C16orf46: variants seen among roughly 807,000 people sequenced by gnomAD.
The protein encoded by C16orf46 is uncharacterized protein C16orf46.
Under a neutral mutation model 5.5 loss-of-function variants are expected in C16orf46, and 7 were observed. That is an observed-to-expected ratio of 1.28 (90% confidence interval 0.73 to 2.40). The LOEUF is 2.40. C16orf46 is among the 30% of genes most tolerant of loss of function. The probability of loss-of-function intolerance (pLI) is 0.00; values close to 1 mark genes in which losing one functional copy is unlikely to be tolerated. For missense variants in C16orf46, 614 were observed against 476.0 expected (o/e 1.29, Z -2.70); for synonymous variants, 200 against 184.1 (o/e 1.09, Z -0.70).
Position 81,061,739 on chromosome 16 carries a change from T to C in C16orf46, c.610A>G (p.Thr204Ala). The C allele has an allele frequency of 6.2e-7, 1 of 1,613,986 alleles. No homozygotes were observed. Among genetic ancestry groups the C allele is most frequent in the Non-Finnish European group, 8.5e-7 (1 of 1,180,018 alleles). The change falls in exon 4 of 4, where the codon ACT becomes GCT. Residue 204 changes from threonine to alanine, a missense_variant. Transcript: ENST00000299578. The part of the protein sequence containing the change: ...HRGLSIPGPL[T>A]SRALLVLPPL... The stretch of plus-strand genomic sequence containing the variant: ...GGCAGAACTAGGAGGGCCCTGGAAG[T>C]CAGGGGGCCTGGGATGGACAGCCCT...
rs879028808 is a variant in C16orf46, at chr16:81,062,138, C to A, written c.211G>T (p.Val71Phe). The change falls in exon 4 of 4, where the codon GTC becomes TTC. Residue 71 changes from valine (V) to phenylalanine (F), a missense_variant and splice_region_variant. Val to Phe is a conservative substitution (Grantham distance 50). Transcript: ENST00000299578. ...FIIGTGWEEA[V>F]QGWGRTSPAA... ...GGAGAAGTCCTTCCCCACCCTTGGA[C>A]CTGCAAATAAAGCGGCATGTTACTC... 1 of 1,562,320 alleles carries A rather than the reference C, an allele frequency of 6.4e-7. No individual in the cohort carries two copies. Among genetic ancestry groups the A allele is most frequent in the South Asian group, 1.2e-5 (1 of 86,436 alleles).
exon 4 of C16orf46, chr16:81,054,009 C>A: frequency 6.5e-7 from 1 of 1,533,688 alleles, no homozygotes; most frequent in Non-Finnish European, 9.0e-7. Flanking sequence ...GAAATATTTG[C>A]TTTTATGATT....
chr16:81,061,821 G>A lies in C16orf46; in HGVS notation c.528C>T (p.Ala176=), dbSNP rs1971489503. 6.2e-7 allele frequency: 1 copy of A among 1,614,208 alleles called. No individual in the cohort carries two copies. The highest frequency in any genetic ancestry group is 8.5e-7 in the Non-Finnish European group (1 of 1,180,040). ...KEFIWCNKDW[A]IPGTNRGKAS... is the part of the protein sequence containing the mutation. ...CCTTGCCCCTATTAGTGCCGGGGAT[G>A]GCCCAGTCTTTGTTGCACCAAATAA... is the stretch of plus-strand genomic sequence containing the variant. The change falls in exon 4 of 4, where the codon GCC becomes GCT. Residue 176 remains alanine, a synonymous_variant. Coordinates refer to ENST00000299578, the MANE Select transcript of C16orf46 (RefSeq NM_152337.3).
At chr16:81,074,748 T>TC (rs1214431852) in intron 1 of C16orf46, among the ~76,000 whole-genome samples, 4 of 152,104 alleles carry the variant, frequency 2.6e-5, no homozygotes, top group Admixed American at 6.5e-5. Context: ...TTTTTTTTTT[T>TC]CACATGAATG....
chr16:81,055,737 T>A (rs911053514), intron 3 of C16orf46, among the ~76,000 whole-genome samples: 5 of 152,132 alleles, frequency 3.3e-5, no homozygotes, highest in African/African-American at 1.2e-4. Context: ...ATTATTGTTT[T>A]GAGACGGACT....
chr16:81,058,769 A>C (rs12919980), downstream of C16orf46, among the ~76,000 whole-genome samples: 3,740 of 152,288 alleles, frequency 0.025, 83 homozygotes, highest in East Asian at 0.057. Context: ...TCTTCACCAC[A>C]TCCTGTATCT....
rs1348509286 is a variant in C16orf46 at position 81,063,913 on chromosome 16, C to T, written c.43G>A (p.Glu15Lys). The T allele has an allele frequency of 1.2e-6, 2 of 1,613,532 alleles. No homozygotes were observed. Among genetic ancestry groups the T allele is most frequent in the Non-Finnish European group, 1.7e-6 (2 of 1,179,834 alleles). The change falls in exon 3 of 4, where the codon GAA becomes AAA. Residue 15 changes from glutamate to lysine, a missense_variant. Transcript: ENST00000299578. ...TCTGTGAACTGAATTTCATTATTTT[C>T]AGCATTTTCTAAGTCAGTCTCATTT... ...QKNETDLENA[E>K]NNEIQFTEET...
At chr16:81,062,823 T>G (rs1411784438) in intron 3 of C16orf46, among the ~76,000 whole-genome samples, 2 of 152,034 alleles carry the variant, frequency 1.3e-5, no homozygotes, top group Non-Finnish European at 2.9e-5. Flanking sequence ...TAGGTATTTA[T>G]CTGGTAATCC....
At chr16:81,072,832 G>C (rs1971902776) in intron 1 of C16orf46, among the ~76,000 whole-genome samples, 1 of 152,126 alleles carries the variant, frequency 6.6e-6, no homozygotes, top group African/African-American at 2.4e-5. Context: ...CTCCTGAGTA[G>C]CTGGGATTAC....
chr16:81,066,926 G>A (rs1041599872), intron 1 of C16orf46, among the ~76,000 whole-genome samples: 2 of 152,244 alleles, frequency 1.3e-5, no homozygotes, highest in African/African-American at 4.8e-5. Context: ...TGGATTTAGA[G>A]TATAAAGCGG....
At chr16:81,070,216 A>T (rs2151756287) in intron 1 of C16orf46, among the ~76,000 whole-genome samples, 1 of 152,284 alleles carries the variant, frequency 6.6e-6, no homozygotes. Context: ...GTTAAAGAAG[A>T]AGTTGTAAGA....
Position 81,061,438 on chromosome 16 carries a change from A to G in C16orf46, c.911T>C (p.Leu304Pro). ...PEQRCLHWSLLSEKNLACPPD... is the reference protein window; with the variant it reads ...PEQRCLHWSLPSEKNLACPPD... ...AGGGCACGCCAGGTTTTTCTCAGAC[A>G]GGAGGGACCAATGCAGGCAGCGCTG... Residue 304 changes from leucine to proline, a missense_variant, in exon 4 of 4, where the codon CTG (leucine) becomes CCG (proline). Leu to Pro is a moderately conservative substitution (Grantham distance 98). Coordinates refer to ENST00000299578, the MANE Select transcript of C16orf46 (RefSeq NM_152337.3). 6.2e-7 allele frequency: 1 copy of G among 1,614,176 alleles called. No individual in the cohort carries two copies. The highest frequency in any genetic ancestry group is 8.5e-7 in the Non-Finnish European group (1 of 1,180,038).
At chr16:81,063,465 G>A (rs527980551) in intron 3 of C16orf46, among the ~76,000 whole-genome samples, 23 of 152,196 alleles carry the variant, frequency 1.5e-4, no homozygotes, top group African/African-American at 5.3e-4. Context: ...TCCACAAAGC[G>A]AGGCTGGGAA....
At chr16:81,063,631 C>T (rs1971557960) in intron 3 of C16orf46, 115 bp downstream of exon 3, 2 of 845,204 alleles carry the variant, frequency 2.4e-6, no homozygotes, top group Admixed American at 2.5e-5. Flanking sequence ...AGGGTTTCTA[C>T]ATGTCATTGA....
At chr16:81,057,102 C>T (rs1190724587), downstream of C16orf46, among the ~76,000 whole-genome samples, 1 of 152,088 alleles carries the variant, frequency 6.6e-6, no homozygotes, top group African/African-American at 2.4e-5. Context: ...CACATACAGG[C>T]CCATCACAAA....
intron 1 of C16orf46, among the ~76,000 whole-genome samples, chr16:81,069,185 G>A (rs1482994656): frequency 6.6e-6 from 1 of 152,116 alleles, no homozygotes; most frequent in African/African-American, 2.4e-5. Flanking sequence ...AGGCTGCAGT[G>A]GGTACACTTG....
chr16:81,065,473 CA>C (rs11303086), intron 2 of C16orf46, among the ~76,000 whole-genome samples: 23,696 of 65,366 alleles, frequency 0.36, 1,686 homozygotes, highest in African/African-American at 0.42. Flanking sequence ...GAATCCGTCT[CA>C]AAAAAAAAAA....
At chr16:81,072,441 A>C (rs1429891469) in intron 1 of C16orf46, among the ~76,000 whole-genome samples, 1 of 152,062 alleles carries the variant, frequency 6.6e-6, no homozygotes, top group Admixed American at 6.5e-5. Context: ...GCTGGAGTGC[A>C]ATGGTGCGAT....
intron 1 of C16orf46, among the ~76,000 whole-genome samples, chr16:81,076,186 T>C (rs1972034204): frequency 6.6e-6 from 1 of 152,200 alleles, no homozygotes. Context: ...TTCACTTACA[T>C]GAACCAGTTA....
Sources: gnomAD v4.1 joint callset for allele counts (sites outside exome capture counted in the v4.1 genomes callset) on GRCh38, gnomAD v4.1.1 for gene constraint, MANE v1.5 for transcripts, NCBI Gene and HGNC (gene_info 2026-07-23, HGNC 2026-07-21) for gene names.